Variants in ATP1B4 observed in about 807,000 individuals in gnomAD.
ATP1B4 encodes the protein ATPase Na+/K+ transporting family member beta 4.
In ATP1B4, 32 loss-of-function variants were observed where a neutral mutation model predicts 29.6. The observed-to-expected ratio is 1.08, with a 90% confidence interval of 0.82 to 1.45. ATP1B4 has a LOEUF of 1.45. ATP1B4 is among the 40% of genes most tolerant of loss of function. ATP1B4 has a pLI of 0.00. For missense variants in ATP1B4, 323 were observed against 276.2 expected, an observed-to-expected ratio of 1.17 and a Z score of -1.20; for synonymous variants, 127 against 102.1, an observed-to-expected ratio of 1.24 and a Z score of -1.47.
At position 120,379,801 on chromosome X, in the gene ATP1B4, G is replaced by C. The variant is rs1285822948; in HGVS notation, c.*167G>C. The C allele has an allele frequency of 2.1e-6, 1 of 475,531 alleles. No homozygotes were observed. Among genetic ancestry groups the C allele is most frequent in the Admixed American group, 5.0e-5 (1 of 19,831 alleles). 39.2% of individuals were successfully genotyped at this position (475,531 alleles called of 1,213,427 possible). A position where few individuals can be genotyped will look rare whatever the true frequency, so the allele number is the denominator to read the frequency against. On this transcript the variant is annotated 3_prime_UTR_variant, in exon 8 of 8. Transcript: ENST00000218008. ...ATGTGTATAAAATGACATTGTGGGA[G>C]CTGTTCGATTTTTTAAAGGTAGTGT...
At chrX:120,379,394 G>A (rs2058371613) in intron 7 of ATP1B4, 79 bp from the exon 8 acceptor site, 1 of 962,580 alleles carries the variant, frequency 1.0e-6, no homozygotes, top group Admixed American at 3.0e-5. Flanking sequence ...TGTGAGGGTT[G>A]TCATCCTGCA....
chrX:120,377,918 G>A (rs929404840), intron 6 of ATP1B4, among the ~76,000 whole-genome samples: 1 of 111,884 alleles, frequency 8.9e-6, no homozygotes, highest in Non-Finnish European at 1.9e-5. Context: ...TTTGCTAGTA[G>A]TGATGCACTA....
Position 120,374,974 on chromosome X carries a change from C to G in ATP1B4, c.563-398C>G, listed in dbSNP as rs142189218. Among the ~76,000 whole-genome samples, 720 of 102,714 alleles carry G rather than the reference C, an allele frequency of 7.0e-3. 5 individuals are homozygous for G. The highest frequency in any genetic ancestry group is 0.023 in the African/African-American group (659 of 28,153). The allele number at this position is 102,714 out of a possible 115,157, so 89.2% of individuals were successfully genotyped here. On this transcript the variant is annotated intron_variant, in intron 4 of 7. Transcript: ENST00000218008. ...TTTCAGTCCCTCTTCCAAAATCTACCAACTATGTGCCTATTTCTCTCTCAG... is the reference window on the plus strand; with the variant it reads ...TTTCAGTCCCTCTTCCAAAATCTACGAACTATGTGCCTATTTCTCTCTCAG...
At chrX:120,378,975 T>A (rs375305217) in intron 7 of ATP1B4, among the ~76,000 whole-genome samples, 111 of 111,261 alleles carry the variant, frequency 1.0e-3, no homozygotes, top group Non-Finnish European at 1.8e-3. Context: ...ATGGCCTAAT[T>A]TAACCTTTTA....
At chrX:120,368,294 G>A (rs2058295935) in intron 2 of ATP1B4, among the ~76,000 whole-genome samples, 1 of 111,664 alleles carries the variant, frequency 9.0e-6, no homozygotes, top group African/African-American at 3.3e-5. Flanking sequence ...AAGGGTGAAT[G>A]GTAATGTTAA....
intron 5 of ATP1B4, among the ~76,000 whole-genome samples, chrX:120,376,070 T>G (rs1423308698): frequency 8.9e-6 from 1 of 111,858 alleles, no homozygotes; most frequent in Non-Finnish European, 1.9e-5. Flanking sequence ...TGTCATGACT[T>G]AGGTGTGGCA....
In ATP1B4 at chrX:120,374,749, GTA is replaced by G. The variant is rs1211844886; in HGVS notation, c.563-611_563-610del. On this transcript the variant is annotated intron_variant, in intron 4 of 7. Coordinates refer to ENST00000218008, the MANE Select transcript of ATP1B4 (RefSeq NM_001142447.3). ...TATATATTATATTATATATAAGGGTGTATATATATATATTATATATATATAAT... is the reference window on the plus strand; with the variant it reads ...TATATATTATATTATATATAAGGGTGTATATATATATTATATATATATAAT... Among the ~76,000 whole-genome samples the G allele has an allele frequency of 5.2e-3, 47 of 8,964 alleles. 1 individual carries two copies. Among genetic ancestry groups the G allele is most frequent in the African/African-American group, 0.038 (41 of 1,073 alleles). The allele number at this position is 8,964 out of a possible 115,157, so 7.8% of individuals were successfully genotyped here.
chrX:120,377,755 A>G (rs1402159741), intron 6 of ATP1B4, among the ~76,000 whole-genome samples: 2 of 111,844 alleles, frequency 1.8e-5, no homozygotes, highest in Non-Finnish European at 3.8e-5. Flanking sequence ...ATCTCTATAC[A>G]TTCTATAATA....
In ATP1B4 at chrX:120,366,506, T is replaced by C. The variant is rs1170262242; in HGVS notation, c.64-19T>C. On this transcript the variant is annotated intron_variant, in intron 1 of 7. Coordinates refer to ENST00000218008, the MANE Select transcript of ATP1B4 (RefSeq NM_001142447.3). Reference sequence around the variant, plus strand: ...ACATTTTTTTTCAAAAAGGGTATTGTGTTTTGTCACTGTTCCAGGATGATC... The same window carrying C: ...ACATTTTTTTTCAAAAAGGGTATTGCGTTTTGTCACTGTTCCAGGATGATC... The C allele has an allele frequency of 1.8e-5, 22 of 1,192,490 alleles. No homozygotes were observed. The highest frequency in any genetic ancestry group is 3.7e-5 in the South Asian group (2 of 54,554).
intron 1 of ATP1B4, among the ~76,000 whole-genome samples, chrX:120,366,170 T>G (rs975899376): frequency 5.4e-5 from 6 of 111,771 alleles, no homozygotes; most frequent in Non-Finnish European, 1.1e-4. Flanking sequence ...ATCCTCTTCC[T>G]GTGTGAGCTC....
intron 2 of ATP1B4, among the ~76,000 whole-genome samples, chrX:120,370,100 C>T (rs1312551845): frequency 1.8e-5 from 2 of 111,814 alleles, no homozygotes; most frequent in Non-Finnish European, 3.8e-5. Context: ...TAGGTACTGT[C>T]TCCTCCTTTT....
Position 120,381,732 on chromosome X carries a change from T to C in ATP1B4, c.*2098T>C, listed in dbSNP as rs1464436009. On this transcript the variant is annotated 3_prime_UTR_variant, in exon 8 of 8. Coordinates refer to ENST00000218008, the MANE Select transcript of ATP1B4 (RefSeq NM_001142447.3). The stretch of plus-strand genomic sequence containing the variant: ...TCCCACAGTGCTGGGATTACAGGCG[T>C]GAGCCACCGCACCCGGCTTGCAATT... 8.9e-6 allele frequency: 1 copy of C among 112,320 alleles called. No homozygotes were observed. Among genetic ancestry groups the C allele is most frequent in the Non-Finnish European group, 1.9e-5 (1 of 53,383 alleles). 9.3% of individuals were successfully genotyped at this position (112,320 alleles called of 1,213,427 possible).
At chrX:120,366,442 C>T in intron 1 of ATP1B4, 83 bp from the exon 2 acceptor site, 1 of 1,052,908 alleles carries the variant, frequency 9.5e-7, no homozygotes, top group Non-Finnish European at 1.3e-6. Context: ...AATATTGAGT[C>T]ATTTCGATTT....
chrX:120,377,520 T>C (rs2058362398), intron 6 of ATP1B4, among the ~76,000 whole-genome samples: 1 of 112,262 alleles, frequency 8.9e-6, no homozygotes, highest in Admixed American at 9.5e-5. Context: ...TCATTGCTTT[T>C]TAGAAGAATG....
intron 5 of ATP1B4, 117 bp downstream of exon 5, chrX:120,375,685 GACA>G: frequency 1.2e-5 from 7 of 600,843 alleles, no homozygotes; most frequent in Non-Finnish European, 1.5e-5. Context: ...CCATTTTTCT[GACA>G]GTATCATAAA....
Position 120,375,423 on chromosome X carries a change from A to C in ATP1B4, c.614A>C (p.Gln205Pro). 1 of 1,211,303 alleles carries C rather than the reference A, an allele frequency of 8.3e-7. No homozygotes were observed. Among genetic ancestry groups the C allele is most frequent in the Non-Finnish European group, 1.1e-6 (1 of 895,121 alleles). Residue 205 changes from glutamine to proline, a missense_variant, in exon 5 of 8, where the codon CAG becomes CCG. Coordinates refer to ENST00000218008, the MANE Select transcript of ATP1B4 (RefSeq NM_001142447.3). ...EEMNVDCPPGQYFIQDGNEDE... is the reference protein window; with the variant it reads ...EEMNVDCPPGPYFIQDGNEDE... ...ATGAATGTAGATTGTCCCCCGGGGC[A>C]GTACTTCATCCAAGATGGCAATGAG...
intron 1 of ATP1B4, among the ~76,000 whole-genome samples, chrX:120,362,661 C>T (rs1386033780): frequency 9.0e-6 from 1 of 111,679 alleles, no homozygotes; most frequent in Non-Finnish European, 1.9e-5. Flanking sequence ...TAGAGTCCAG[C>T]TGCTCTCTTT....
intron 2 of ATP1B4, 96 bp from the exon 3 acceptor site, chrX:120,370,619 A>G: frequency 1.9e-6 from 2 of 1,048,829 alleles, no homozygotes; most frequent in Non-Finnish European, 1.3e-6. Flanking sequence ...TTAAAGAGCT[A>G]TTTCGTGGTT....
In ATP1B4 at chrX:120,370,800, C is replaced by T. The variant is rs754591565; in HGVS notation, c.414C>T (p.Ile138=). 3.7e-5 allele frequency: 45 copies of T among 1,209,572 alleles called. No homozygotes were observed. The highest frequency in any genetic ancestry group is 1.1e-4 in the Admixed American group (5 of 45,657). The stretch of plus-strand genomic sequence containing the variant: ...GCATGTACACACTATTTCTGACCAT[C>T]AGTCCCTATATACCAACCTTCACGG... ...TLCMYTLFLT[I]SPYIPTFTER... The change falls in exon 3 of 8, where the codon ATC becomes ATT. Residue 138 remains isoleucine, a synonymous_variant. Transcript: ENST00000218008.
Sources: allele counts gnomAD v4.1 joint callset (sites outside exome capture counted in the v4.1 genomes callset), GRCh38; gene constraint gnomAD v4.1.1; transcripts MANE v1.5; gene names NCBI Gene and HGNC (gene_info 2026-07-23, HGNC 2026-07-21).